Variants in SENP6 observed in about 807,000 individuals in gnomAD.
SENP6 encodes the protein sentrin-specific protease 6.
In SENP6, 41 loss-of-function variants were observed where a neutral mutation model predicts 134.5. The ratio of observed to expected loss-of-function variants is 0.30; its 90% CI spans 0.24 to 0.40. The LOEUF is 0.40. Among genes scored for constraint, SENP6 ranks in the 10% least tolerant of loss-of-function variants. The pLI is 1.00. For missense variants in SENP6, 1,248 were observed against 1,312.5 expected (o/e 0.95, Z 0.76); for synonymous variants, 395 against 429.8 (o/e 0.92, Z 1.00).
In SENP6 at chr6:75,718,233, C is replaced by CA. The variant is rs1416440278; in HGVS notation, c.*2640dup. On this transcript the variant is annotated 3_prime_UTR_variant, in exon 24 of 24. Transcript: ENST00000447266. ...AAATCAAAAATTGTACTTAAAATCT[C>CA]AGACAATTCACTGAACAGGAATAAT... The CA allele has an allele frequency of 6.6e-6, 1 of 152,092 alleles. No homozygotes were observed. The allele number at this position is 152,092 out of a possible 1,614,324, so 9.4% of individuals were successfully genotyped here.
chr6:75,626,747 T>C (rs576212385), intron 3 of SENP6, among the ~76,000 whole-genome samples: 29 of 152,342 alleles, frequency 1.9e-4, no homozygotes, highest in African/African-American at 6.7e-4. Context: ...ACATTAGCCA[T>C]TCCCACTAGC....
At chr6:75,672,985 G>C (rs974074132) in intron 11 of SENP6, among the ~76,000 whole-genome samples, 1 of 151,890 alleles carries the variant, frequency 6.6e-6, no homozygotes, top group African/African-American at 2.4e-5. Context: ...CGGCCACCAC[G>C]TCCAGCTAAT....
intron 11 of SENP6, among the ~76,000 whole-genome samples, chr6:75,673,217 A>G (rs1772818242): frequency 6.6e-6 from 1 of 152,146 alleles, no homozygotes; most frequent in Non-Finnish European, 1.5e-5. Context: ...AATACCACAT[A>G]TGCACAAATT....
intron 10 of SENP6, among the ~76,000 whole-genome samples, 181 bp from the exon 11 acceptor site, chr6:75,670,372 T>TA (rs1247987036): frequency 6.6e-6 from 1 of 152,174 alleles, no homozygotes; most frequent in African/African-American, 2.4e-5. Context: ...CTAAATAAGA[T>TA]ACAAGGATTT....
intron 5 of SENP6, among the ~76,000 whole-genome samples, chr6:75,637,391 AT>A (rs1270833798): frequency 1.6e-4 from 25 of 152,118 alleles, no homozygotes; most frequent in African/African-American, 5.8e-4. Context: ...ACCACATTAG[AT>A]TAGGTAGTCT....
At chr6:75,665,119 T>C (rs534595021) in intron 9 of SENP6, among the ~76,000 whole-genome samples, 4 of 152,216 alleles carry the variant, frequency 2.6e-5, no homozygotes, top group Non-Finnish European at 5.9e-5. Context: ...ACCCCGTCTC[T>C]ACTAAAAATA....
At chr6:75,603,069 T>G (rs1475903100) in intron 1 of SENP6, among the ~76,000 whole-genome samples, 1 of 152,208 alleles carries the variant, frequency 6.6e-6, no homozygotes, top group African/African-American at 2.4e-5. Flanking sequence ...GCAGCCAGCC[T>G]TCAGATTAGG....
At chr6:75,699,991 G>A (rs1254876948) in intron 18 of SENP6, among the ~76,000 whole-genome samples, 2 of 152,018 alleles carry the variant, frequency 1.3e-5, no homozygotes, top group Non-Finnish European at 2.9e-5. Flanking sequence ...GCTCACTGAA[G>A]CTTCAAACTC....
chr6:75,661,127 T>G (rs1352983769), intron 8 of SENP6, among the ~76,000 whole-genome samples: 1 of 152,216 alleles, frequency 6.6e-6, no homozygotes, highest in Non-Finnish European at 1.5e-5. Context: ...TGTATTAATA[T>G]TTAATCTATA....
At chr6:75,665,090 T>C (rs1772094833) in intron 9 of SENP6, among the ~76,000 whole-genome samples, 1 of 151,972 alleles carries the variant, frequency 6.6e-6, no homozygotes, top group African/African-American at 2.4e-5. Flanking sequence ...ATCAAGACCA[T>C]CCTGGTTAAC....
chr6:75,651,354 T>C (rs1029084937), intron 7 of SENP6, among the ~76,000 whole-genome samples: 2 of 152,174 alleles, frequency 1.3e-5, no homozygotes, highest in African/African-American at 4.8e-5. Flanking sequence ...TGTTAACTTT[T>C]GCTTTTTGTT....
At position 75,647,771 on chromosome 6, in the gene SENP6, C is replaced by G; in HGVS notation, c.520C>G (p.Pro174Ala). ...TCATGTCCAAAAAGTTGAAATTAAT[C>G]CTGTAAGGTTAAGTCGGCTCCAAGG... ...PPHVQKVEIN[P>A]VRLSRLQGVE... is the part of the protein sequence containing the mutation. The change falls in exon 7 of 24, where the codon CCT (proline) becomes GCT (alanine). Residue 174 changes from proline (P) to alanine (A), a missense_variant. Pro to Ala is a conservative substitution (Grantham distance 27). Around this residue, in one of 3 missense-constraint regions of SENP6, gnomAD observed 733 missense variants for 725.4 expected, o/e 1.01. Transcript: ENST00000447266. 6.2e-7 allele frequency: 1 copy of G among 1,612,704 alleles called. No individual in the cohort carries two copies. Among genetic ancestry groups the G allele is most frequent in the Non-Finnish European group, 8.5e-7 (1 of 1,179,096 alleles).
intron 1 of SENP6, chr6:75,611,381 A>AGG (rs1337213499): frequency 6.6e-6 from 1 of 152,232 alleles, no homozygotes; most frequent in African/African-American, 2.4e-5. Flanking sequence ...TCTCCTTCAC[A>AGG]AGTTTGGGTA....
chr6:75,619,436 G>A (rs1259371791), intron 1 of SENP6, among the ~76,000 whole-genome samples: 3 of 116,944 alleles, frequency 2.6e-5, no homozygotes, highest in Admixed American at 9.9e-5. Context: ...ATAACATTCC[G>A]TTGTGTCTAT....
At chr6:75,633,771 G>C in intron 4 of SENP6, 45 bp downstream of exon 4, 1 of 1,530,300 alleles carries the variant, frequency 6.5e-7, no homozygotes, top group South Asian at 1.3e-5. Flanking sequence ...GATAAAGGAA[G>C]AGTTTGACAC....
chr6:75,702,556 T>G, intron 18 of SENP6, 89 bp from the exon 19 acceptor site: 1 of 1,244,406 alleles, frequency 8.0e-7, no homozygotes. Context: ...GGCAAGAACT[T>G]TAGAAAAAAA....
Position 75,675,422 on chromosome 6 carries a change from T to TC in SENP6, c.1393-12dup. 7.3e-7 allele frequency: 1 copy of TC among 1,379,006 alleles called. No homozygotes were observed. Among genetic ancestry groups the TC allele is most frequent in the Non-Finnish European group, 1.0e-6 (1 of 993,888 alleles). 85.4% of individuals were successfully genotyped at this position (1,379,006 alleles called of 1,614,324 possible). On this transcript the variant is annotated splice_polypyrimidine_tract_variant and intron_variant, in intron 11 of 23. Coordinates refer to ENST00000447266, the MANE Select transcript of SENP6 (RefSeq NM_015571.4). ...GTAAGTCTAGAGCAATACTAATTCATCTTTTTTTTTAGTTTTGTTTAGATT... is the reference window on the plus strand; with the variant it reads ...GTAAGTCTAGAGCAATACTAATTCATCCTTTTTTTTTAGTTTTGTTTAGATT...
intron 1 of SENP6, among the ~76,000 whole-genome samples, chr6:75,620,109 A>G (rs1022617666): frequency 1.3e-5 from 2 of 150,974 alleles, no homozygotes; most frequent in Non-Finnish European, 2.9e-5. Context: ...AAAAAGAGGA[A>G]AATAAGCTTT....
intron 5 of SENP6, among the ~76,000 whole-genome samples, chr6:75,638,779 G>A (rs541721664): frequency 4.6e-5 from 7 of 151,218 alleles, no homozygotes; most frequent in South Asian, 4.2e-4. Flanking sequence ...AACAGAGGCC[G>A]GACATGGTTG....
Sources: gnomAD v4.1 joint callset for allele counts (sites outside exome capture counted in the v4.1 genomes callset) on GRCh38, gnomAD v4.1.1 for gene constraint, gnomAD v4.1.1 regional missense constraint, MANE v1.5 for transcripts, NCBI Gene and HGNC (gene_info 2026-07-23, HGNC 2026-07-21) for gene names.